The following EPS8L1 variants were observed in gnomAD, a reference collection of about 807,000 sequenced individuals.
The protein encoded by EPS8L1 is EPS8 signaling adaptor L1, also known as epidermal growth factor receptor kinase substrate 8-like protein 1.
A neutral mutation model predicts 91.7 loss-of-function variants in EPS8L1; 101 were observed. The ratio of observed to expected loss-of-function variants is 1.10; its 90% CI spans 0.94 to 1.30. The LOEUF is 1.30. EPS8L1 is among the 50% of genes most tolerant of loss of function. The probability of loss-of-function intolerance (pLI) is 0.00; values close to 1 mark genes in which losing one functional copy is unlikely to be tolerated. For missense variants in EPS8L1, 1,114 were observed against 1,017.0 expected, an observed-to-expected ratio of 1.10 and a Z score of -1.30; for synonymous variants, 506 against 445.3, an observed-to-expected ratio of 1.14 and a Z score of -1.72.
In EPS8L1 at chr19:55,086,901, G is replaced by C; in HGVS notation, c.1952+13G>C. 2 of 1,418,242 alleles carry C rather than the reference G, an allele frequency of 1.4e-6. No individual in the cohort carries two copies. The highest frequency in any genetic ancestry group is 9.2e-7 in the Non-Finnish European group (1 of 1,091,366). The allele number at this position is 1,418,242 out of a possible 1,614,324, so 87.9% of individuals were successfully genotyped here. ...GCTTTAGCTCCGGGTGAGTGGGGCCGGGGCCCTCTCGGCGCGGGTTGATAC... is the reference window on the plus strand; with the variant it reads ...GCTTTAGCTCCGGGTGAGTGGGGCCCGGGCCCTCTCGGCGCGGGTTGATAC... On this transcript the variant is annotated intron_variant, in intron 18 of 19. Coordinates refer to ENST00000201647, the MANE Select transcript of EPS8L1 (RefSeq NM_133180.3).
intron 3 of EPS8L1, 55 bp downstream of exon 3, chr19:55,078,183 G>A (rs2076170179): frequency 1.9e-6 from 3 of 1,564,508 alleles, no homozygotes; most frequent in East Asian, 2.3e-5. Flanking sequence ...AAAGAAACAG[G>A]ACCTGGCATC....
Position 55,079,695 on chromosome 19 carries a change from G to A in EPS8L1, c.123G>A (p.Leu41=). Residue 41 remains leucine (L), a synonymous_variant, in exon 5 of 20, where the codon CTG becomes CTA. Transcript: ENST00000201647. Reference sequence around the variant, plus strand: ...TTCTCCATGGTCCGTACCAGCACCTGGTGACGTTCTGCCTGGGTGAGGACG... The same window carrying A: ...TTCTCCATGGTCCGTACCAGCACCTAGTGACGTTCTGCCTGGGTGAGGACG... ...ADVSQYPVNH[L]VTFCLGEDDG... 6.2e-7 allele frequency: 1 copy of A among 1,613,768 alleles called. No individual in the cohort carries two copies. The highest frequency in any genetic ancestry group is 8.5e-7 in the Non-Finnish European group (1 of 1,179,800).
chr19:55,081,020 C>T lies in EPS8L1; in HGVS notation c.512+166C>T, dbSNP rs748446085. On this transcript the variant is annotated intron_variant, in intron 7 of 19. Transcript: ENST00000201647. The surrounding 1 kb of genome is among the most constrained non-coding windows in gnomAD (Gnocchi z 4.9). ...AGACGAGCTGACCCCTTCTCCAGAA[C>T]TCTGCTTCTTTTCTCTGTTCCCTGT... is the stretch of plus-strand genomic sequence containing the variant. 11 of 906,450 alleles carry T rather than the reference C, an allele frequency of 1.2e-5. No homozygotes were observed. The highest frequency in any genetic ancestry group is 1.6e-5 in the Non-Finnish European group (10 of 614,660). The allele number at this position is 906,450 out of a possible 1,614,324, so 56.2% of individuals were successfully genotyped here. A position where few individuals can be genotyped will look rare whatever the true frequency, so the allele number is the denominator to read the frequency against.
chr19:55,076,562 G>A (rs567254164), intron 2 of EPS8L1, 101 bp downstream of exon 2: 71 of 1,380,846 alleles, frequency 5.1e-5, no homozygotes, highest in African/African-American at 3.7e-4. Context: ...TGTTTGCGGC[G>A]GCCCAGACTC....
At chr19:55,080,632 G>T in intron 6 of EPS8L1, 140 bp from the exon 7 acceptor site, 1 of 1,559,532 alleles carries the variant, frequency 6.4e-7, no homozygotes. Flanking sequence ...TGAGTTCGGG[G>T]CGTGGACGTG....
chr19:55,087,569 G>A lies in EPS8L1; in HGVS notation c.2127G>A (p.Lys709=). 2.5e-6 allele frequency: 4 copies of A among 1,614,234 alleles called. No individual in the cohort carries two copies. Among genetic ancestry groups the A allele is most frequent in the South Asian group, 2.2e-5 (2 of 91,090 alleles). The stretch of plus-strand genomic sequence containing the variant: ...CAGAGCTGGAGGCAGTGATGGAGAA[G>A]CAAAAGAAGAAGGTGGAAGGCGAGG... ...KVSELEAVME[K]QKKKVEGEVE... The change falls in exon 20 of 20, where the codon AAG becomes AAA. Residue 709 remains lysine, a synonymous_variant. Coordinates refer to ENST00000201647, the MANE Select transcript of EPS8L1 (RefSeq NM_133180.3).
chr19:55,076,130 G>A (rs1457724878), intron 1 of EPS8L1, among the ~76,000 whole-genome samples: 538 of 29,078 alleles, frequency 0.019, 20 homozygotes, highest in Non-Finnish European at 0.022. Flanking sequence ...TGAGGGAGGA[G>A]GAGATGGGGC....
intron 14 of EPS8L1, 35 bp from the exon 15 acceptor site, chr19:55,085,806 G>A: frequency 6.3e-7 from 1 of 1,596,700 alleles, no homozygotes; most frequent in African/African-American, 1.3e-5. Flanking sequence ...GGGGCTGGCT[G>A]CCTCCTTATC....
chr19:55,086,222 G>A, intron 16 of EPS8L1, 30 bp downstream of exon 16: 1 of 1,593,822 alleles, frequency 6.3e-7, no homozygotes. Flanking sequence ...GGGATCTTGA[G>A]GGTGGAGAGG....
intron 14 of EPS8L1, among the ~76,000 whole-genome samples, chr19:55,085,123 T>C (rs1427104280): frequency 6.6e-6 from 1 of 152,118 alleles, no homozygotes; most frequent in African/African-American, 2.4e-5. Flanking sequence ...AATTAACTAA[T>C]ATACGTAACA....
Position 55,087,118 on chromosome 19 carries a change from A to G in EPS8L1, c.1953-185A>G, listed in dbSNP as rs567547606. On this transcript the variant is annotated intron_variant, in intron 18 of 19. Transcript: ENST00000201647. Reference sequence around the variant, plus strand: ...AAATCCCGTACCCTTTGAAAGCAGGATGCGGCCACGCCCCCCGGGTGGCAA... The same window carrying G: ...AAATCCCGTACCCTTTGAAAGCAGGGTGCGGCCACGCCCCCCGGGTGGCAA... 6.5e-5 allele frequency: 71 copies of G among 1,100,646 alleles called. 1 individual carries two copies. In the South Asian group the frequency reaches 1.1e-3, roughly 17 times the overall value. The allele number at this position is 1,100,646 out of a possible 1,614,324, so 68.2% of individuals were successfully genotyped here.
intron 1 of EPS8L1, 104 bp from the exon 2 acceptor site, chr19:55,076,304 A>C: frequency 9.9e-7 from 1 of 1,011,594 alleles, no homozygotes; most frequent in East Asian, 2.7e-5. Context: ...CCTGGGCCTG[A>C]GGGAGGAGGG....
intron 5 of EPS8L1, 38 bp downstream of exon 5, chr19:55,079,889 C>G (rs1296186129): frequency 1.3e-6 from 2 of 1,566,084 alleles, no homozygotes; most frequent in Non-Finnish European, 1.7e-6. Context: ...GTGTCTGGGG[C>G]AGGGACTTCA....
intron 14 of EPS8L1, 29 bp from the exon 15 acceptor site, chr19:55,085,812 T>C: frequency 1.2e-6 from 2 of 1,601,072 alleles, no homozygotes; most frequent in South Asian, 2.2e-5. Flanking sequence ...GGCTGCCTCC[T>C]TATCTCCAAC....
chr19:55,076,154 T>G (rs2076125713), intron 1 of EPS8L1, among the ~76,000 whole-genome samples: 1 of 132,394 alleles, frequency 7.6e-6, no homozygotes. Context: ...GACTCCTGGG[T>G]CTGAGGGAGG....
Position 55,081,712 on chromosome 19 carries a change from C to T in EPS8L1, c.775-61C>T. On this transcript the variant is annotated intron_variant, in intron 8 of 19. Coordinates refer to ENST00000201647, the MANE Select transcript of EPS8L1 (RefSeq NM_133180.3). The surrounding 1 kb of genome is among the most constrained non-coding windows in gnomAD (Gnocchi z 4.9). Reference sequence around the variant, plus strand: ...AGTGTATAGGTGCTCAGGTTCAGGGCTTCGACGGGGATGGTTTTGGAACTC... The same window carrying T: ...AGTGTATAGGTGCTCAGGTTCAGGGTTTCGACGGGGATGGTTTTGGAACTC... 5.8e-6 allele frequency: 9 copies of T among 1,554,230 alleles called. No homozygotes were observed. Among genetic ancestry groups the T allele is most frequent in the Non-Finnish European group, 7.8e-6 (9 of 1,148,220 alleles).
Position 55,081,050 on chromosome 19 carries a change from G to T in EPS8L1, c.513-181G>T. On this transcript the variant is annotated intron_variant, in intron 7 of 19. Transcript: ENST00000201647. This position sits in a 1 kb window ranked among gnomAD's most constrained non-coding sequence, Gnocchi z 4.9. ...CTTCTTTTCTCTGTTCCCTGTCCAG[G>T]CCCTCAGTTTCACTCTAGAGAGGTG... 1.1e-6 allele frequency: 1 copy of T among 934,940 alleles called. No homozygotes were observed. 57.9% of individuals were successfully genotyped at this position (934,940 alleles called of 1,614,324 possible).
rs202159963 is a variant in EPS8L1, at chr19:55,080,884, G to A, written c.512+30G>A. ...GAGGGAAGAAGTTGGCAGGGTCTCT[G>A]GGAAGCCGGTTTCCCCTCCTTGTGC... On this transcript the variant is annotated intron_variant, in intron 7 of 19. Coordinates refer to ENST00000201647, the MANE Select transcript of EPS8L1 (RefSeq NM_133180.3). 1.1e-4 allele frequency: 170 copies of A among 1,573,272 alleles called. No homozygotes were observed. In the East Asian group the frequency reaches 3.4e-3, roughly 31 times the overall value.
chr19:55,080,820 T>G lies in EPS8L1; in HGVS notation c.478T>G (p.Ser160Ala), dbSNP rs138527968. 9.1e-5 allele frequency: 147 copies of G among 1,611,416 alleles called. No homozygotes were observed. The highest frequency in any genetic ancestry group is 1.1e-4 in the Non-Finnish European group (134 of 1,178,842). ...CCAGGGGGCTCTGCACAATTACCGCTCGGGCCGCGGGGAGCGCAGGGCGGC... is the reference window on the plus strand; with the variant it reads ...CCAGGGGGCTCTGCACAATTACCGCGCGGGCCGCGGGGAGCGCAGGGCGGC... ...DIQGALHNYR[S>A]GRGERRAAAL... Residue 160 changes from serine to alanine, a missense_variant, in exon 7 of 20, where the codon TCG becomes GCG. Coordinates refer to ENST00000201647, the MANE Select transcript of EPS8L1 (RefSeq NM_133180.3).
Sources: gnomAD v4.1 joint callset for allele counts (sites outside exome capture counted in the v4.1 genomes callset) on GRCh38, gnomAD v4.1.1 for gene constraint, Gnocchi (gnomAD v3.1) non-coding constraint, MANE v1.5 for transcripts, NCBI Gene and HGNC (gene_info 2026-07-23, HGNC 2026-07-21) for gene names.